Variants in OSBPL10 observed in about 807,000 individuals in gnomAD.
OSBPL10 encodes oxysterol binding protein like 10, also known as oxysterol-binding protein-related protein 10.
A neutral mutation model predicts 81.7 loss-of-function variants in OSBPL10; 49 were observed. The ratio of observed to expected loss-of-function variants is 0.60; its 90% CI spans 0.48 to 0.76. OSBPL10 has a LOEUF of 0.76. Among genes scored for constraint, OSBPL10 ranks in the 30% least tolerant of loss-of-function variants. OSBPL10 has a pLI of 0.00. For synonymous variants in OSBPL10, 419 were observed against 383.6 expected (o/e 1.09, Z -1.08); for missense variants, 923 against 987.8 (o/e 0.93, Z 0.88).
chr3:31,716,838 T>C (rs1005574168), intron 6 of OSBPL10, among the ~76,000 whole-genome samples: 3 of 152,198 alleles, frequency 2.0e-5, no homozygotes, highest in African/African-American at 7.2e-5. Context: ...ATAAGGGTGA[T>C]TATATTTTCA....
At chr3:31,700,310 A>G (rs537683273) in intron 7 of OSBPL10, 6 of 152,266 alleles carry the variant, frequency 3.9e-5, no homozygotes, top group Middle Eastern at 6.8e-3. Flanking sequence ...CACAGTTGTG[A>G]TATTTCTTTA....
chr3:31,686,851 G>A (rs928241122), intron 7 of OSBPL10, among the ~76,000 whole-genome samples: 1 of 152,096 alleles, frequency 6.6e-6, no homozygotes, highest in African/African-American at 2.4e-5. Context: ...CTTCCAATGA[G>A]GCTTCACTGG....
chr3:31,841,942 A>G (rs1700508890), intron 3 of OSBPL10, among the ~76,000 whole-genome samples: 1 of 152,174 alleles, frequency 6.6e-6, no homozygotes, highest in Non-Finnish European at 1.5e-5. Context: ...AATTAGGTAC[A>G]GGCATGACAA....
chr3:31,989,458 A>G, intron 2 of OSBPL10: 1 of 1,614,250 alleles, frequency 6.2e-7, no homozygotes, highest in South Asian at 1.1e-5. Context: ...CCATGAAGCA[A>G]CTATGACACA....
chr3:31,990,402 C>T (rs765588783), intron 2 of OSBPL10: 18 of 1,613,718 alleles, frequency 1.1e-5, no homozygotes, highest in Non-Finnish European at 1.4e-5. Context: ...GTTCATATCT[C>T]GTAGTTCATT....
chr3:31,794,526 C>T, intron 4 of OSBPL10: 1 of 326,862 alleles, frequency 3.1e-6, no homozygotes, highest in Non-Finnish European at 6.1e-6. Context: ...CCCTTGCAGA[C>T]ATGGCTGTGA....
chr3:31,791,998 C>T (rs1287267391), intron 4 of OSBPL10, among the ~76,000 whole-genome samples: 1 of 152,142 alleles, frequency 6.6e-6, no homozygotes, highest in Non-Finnish European at 1.5e-5. Context: ...GTAGTCCCAA[C>T]ACTTTGGGAG....
Position 31,838,180 on chromosome 3 carries a change from C to T in OSBPL10, c.538-7949G>A, listed in dbSNP as rs558173644. Among the ~76,000 whole-genome samples the T allele has an allele frequency of 3.9e-5, 6 of 152,172 alleles. 1 individual carries two copies. In the South Asian group the frequency reaches 1.2e-3, roughly 32 times the overall value. On this transcript the variant is annotated intron_variant, in intron 3 of 11. Transcript: ENST00000396556. ...AACACATACATATATGTGCATATTA[C>T]GGTCTAAATATTTGTGTCCCCTCCC...
intron 1 of OSBPL10, among the ~76,000 whole-genome samples, chr3:32,059,857 A>C (rs1559556705): frequency 6.6e-6 from 1 of 151,918 alleles, no homozygotes; most frequent in Non-Finnish European, 1.5e-5. Flanking sequence ...GGTTAAAGTG[A>C]GCCAAGACTG....
chr3:31,871,204 C>T (rs938071340), intron 3 of OSBPL10, among the ~76,000 whole-genome samples: 3 of 152,154 alleles, frequency 2.0e-5, no homozygotes, highest in Admixed American at 6.5e-5. Flanking sequence ...GTCCACACTG[C>T]TTTTATGAGC....
chr3:31,833,159 G>C (rs1309830938), intron 3 of OSBPL10, among the ~76,000 whole-genome samples: 1 of 152,188 alleles, frequency 6.6e-6, no homozygotes, highest in African/African-American at 2.4e-5. Flanking sequence ...TAAGTATTAA[G>C]AGTCCACTGA....
chr3:31,885,371 CCATG>C (rs1695704141), intron 1 of OSBPL10, among the ~76,000 whole-genome samples: 1 of 152,140 alleles, frequency 6.6e-6, no homozygotes, highest in Non-Finnish European at 1.5e-5. Flanking sequence ...TCATAACCAC[CCATG>C]CACTCACCCT....
At chr3:32,035,737 AT>A (rs1278158480) in intron 2 of OSBPL10, among the ~76,000 whole-genome samples, 5 of 152,164 alleles carry the variant, frequency 3.3e-5, no homozygotes, top group African/African-American at 1.2e-4. Flanking sequence ...ATCTTCACAG[AT>A]TTAAAAAGCA....
rs535835144 is a variant in OSBPL10, at chr3:31,743,689, A to C, written c.940+4221T>G. On this transcript the variant is annotated intron_variant, in intron 5 of 11. Transcript: ENST00000396556. ...AAAAAAAAACAGTGCAAGGATCAGA[A>C]GGCAAAGAGCCATCAGGCAGGAACA... Among the ~76,000 whole-genome samples the C allele has an allele frequency of 5.3e-5, 8 of 152,362 alleles. No homozygotes were observed. In the East Asian group the frequency reaches 1.5e-3, roughly 29 times the overall value.
chr3:31,734,902 G>A (rs1697104495), intron 5 of OSBPL10, among the ~76,000 whole-genome samples: 1 of 152,170 alleles, frequency 6.6e-6, no homozygotes, highest in South Asian at 2.1e-4. Context: ...CATCCATAAA[G>A]CAATACTATC....
rs183697692 is a variant in OSBPL10, at chr3:31,748,809, C to A, written c.730-689G>T. Among the ~76,000 whole-genome samples, 4 of 152,124 alleles carry A rather than the reference C, an allele frequency of 2.6e-5. No individual in the cohort carries two copies. In the East Asian group the frequency reaches 5.8e-4, roughly 22 times the overall value. ...GCTTCAATTCATAAGCTTATCATAA[C>A]AACAAAGACAAACAGTAGTCTAATG... On this transcript the variant is annotated intron_variant, in intron 4 of 11. Transcript: ENST00000396556.
chr3:31,754,430 G>C (rs6805494), intron 4 of OSBPL10, among the ~76,000 whole-genome samples: 112,760 of 152,052 alleles, frequency 0.74, 42,101 homozygotes, highest in East Asian at 0.89. Context: ...CCAGTGGAGA[G>C]AGGGTGCTGG....
chr3:31,774,018 C>G (rs557757422), intron 4 of OSBPL10, among the ~76,000 whole-genome samples: 5 of 152,002 alleles, frequency 3.3e-5, no homozygotes, highest in Non-Finnish European at 2.9e-5. Flanking sequence ...AAAGATTAGC[C>G]GGGCGTGGTG....
chr3:31,662,102 T>A lies in OSBPL10; in HGVS notation c.2265A>T (p.Val755=), dbSNP rs1700084070. Residue 755 remains valine (V), a synonymous_variant, in exon 12 of 12, where the codon GTA becomes GTT. Transcript: ENST00000396556. ...KYFIQEGDGW[V]YFNPLWKAH Reference sequence around the variant, plus strand: ...GTGCTTTCCAGAGGGGATTGAAGTATACCCAGCCATCGCCCTGCAAGAGAA... The same window carrying A: ...GTGCTTTCCAGAGGGGATTGAAGTAAACCCAGCCATCGCCCTGCAAGAGAA... The A allele has an allele frequency of 1.2e-6, 2 of 1,613,962 alleles. No homozygotes were observed. The highest frequency in any genetic ancestry group is 1.7e-6 in the Non-Finnish European group (2 of 1,180,006).
Sources: allele counts gnomAD v4.1 joint callset (sites outside exome capture counted in the v4.1 genomes callset), GRCh38; gene constraint gnomAD v4.1.1; transcripts MANE v1.5; gene names NCBI Gene and HGNC (gene_info 2026-07-23, HGNC 2026-07-21).